The following DOCK8 variants were observed in gnomAD, a reference collection of about 807,000 sequenced individuals.
The protein encoded by DOCK8 is dedicator of cytokinesis 8, also known as dedicator of cytokinesis protein 8.
Under a neutral mutation model 245.6 loss-of-function variants are expected in DOCK8, and 141 were observed. That is an observed-to-expected ratio of 0.57 (90% CI 0.50 to 0.66). The LOEUF (loss-of-function observed/expected upper bound fraction) is 0.66, where lower values mean the gene tolerates loss of function less well. Among genes scored for constraint, DOCK8 ranks in the 30% least tolerant of loss-of-function variants. DOCK8 has a pLI of 0.00. For synonymous variants in DOCK8, 1,168 were observed against 970.2 expected (o/e 1.20, Z -3.79); for missense variants, 2,965 against 2,603.4 (o/e 1.14, Z -3.02).
chr9:425,848 G>A (rs989221508), intron 33 of DOCK8, among the ~76,000 whole-genome samples: 7 of 152,090 alleles, frequency 4.6e-5, no homozygotes, highest in African/African-American at 1.4e-4. Flanking sequence ...AAGTGGCTTG[G>A]GACCAGAGAG....
chr9:252,271 C>T (rs750271849), intron 1 of DOCK8, among the ~76,000 whole-genome samples: 5 of 151,928 alleles, frequency 3.3e-5, no homozygotes, highest in Non-Finnish European at 5.9e-5. Context: ...CCGTGCCCAG[C>T]CCCAAGGGAA....
intron 1 of DOCK8, among the ~76,000 whole-genome samples, chr9:232,136 T>A (rs1185404973): frequency 6.6e-6 from 1 of 152,214 alleles, no homozygotes; most frequent in Non-Finnish European, 1.5e-5. Flanking sequence ...AGGCCTTTTC[T>A]GCATCTATTG....
chr9:269,253 T>C (rs1438231594), intron 1 of DOCK8, among the ~76,000 whole-genome samples: 1 of 152,182 alleles, frequency 6.6e-6, no homozygotes, highest in Non-Finnish European at 1.5e-5. Context: ...CAAATCTACT[T>C]TCTGTCTGTA....
chr9:326,130 G>T (rs10491694), intron 8 of DOCK8, among the ~76,000 whole-genome samples: 3 of 152,178 alleles, frequency 2.0e-5, no homozygotes, highest in Admixed American at 6.5e-5. Flanking sequence ...ACATGGTAGA[G>T]GTCTCAATTT....
intron 5 of DOCK8, among the ~76,000 whole-genome samples, chr9:305,574 C>G (rs1019598122): frequency 4.6e-5 from 7 of 152,140 alleles, no homozygotes; most frequent in African/African-American, 1.7e-4. Flanking sequence ...CATGAGCCAC[C>G]ACGCCTGGCC....
In DOCK8 at chr9:441,724, G is replaced by C. The variant is rs543289355; in HGVS notation, c.5356-151G>C. 80 of 1,000,772 alleles carry C rather than the reference G, an allele frequency of 8.0e-5. 3 individuals carry two copies. In the South Asian group the frequency reaches 1.2e-3, roughly 15 times the overall value. The allele number at this position is 1,000,772 out of a possible 1,614,324, so 62.0% of individuals were successfully genotyped here. A position where few individuals can be genotyped will look rare whatever the true frequency, so the allele number is the denominator to read the frequency against. On this transcript the variant is annotated intron_variant, in intron 41 of 47. Transcript: ENST00000432829. Reference sequence around the variant, plus strand: ...GTTATTTCTGAAGTTTATTCCATAAGCATTAAATTTTTTTAAGGAGTAATT... The same window carrying C: ...GTTATTTCTGAAGTTTATTCCATAACCATTAAATTTTTTTAAGGAGTAATT...
At chr9:429,179 C>A (rs376729118) in intron 35 of DOCK8, among the ~76,000 whole-genome samples, 1 of 152,146 alleles carries the variant, frequency 6.6e-6, no homozygotes, top group African/African-American at 2.4e-5. Flanking sequence ...GTTGGCCAGG[C>A]TGGTCTTGAA....
intron 26 of DOCK8, among the ~76,000 whole-genome samples, chr9:400,766 T>TCCA (rs1184109812): frequency 4.6e-4 from 6 of 13,148 alleles, no homozygotes; most frequent in Admixed American, 1.9e-3. Context: ...CACCACCACC[T>TCCA]CCACCACCAC....
chr9:432,088 T>C, intron 36 of DOCK8, 78 bp from the exon 37 acceptor site: 1 of 1,489,232 alleles, frequency 6.7e-7, no homozygotes. Flanking sequence ...TGTTTGTGTC[T>C]GGCCATGCTG....
chr9:281,281 T>C (rs1738355942), intron 2 of DOCK8, among the ~76,000 whole-genome samples: 3 of 152,224 alleles, frequency 2.0e-5, no homozygotes, highest in African/African-American at 4.8e-5. Flanking sequence ...TTTTTAATTT[T>C]TGATTTTTTC....
At chr9:298,321 A>G (rs1267568379) in intron 4 of DOCK8, among the ~76,000 whole-genome samples, 1 of 152,166 alleles carries the variant, frequency 6.6e-6, no homozygotes, top group Admixed American at 6.5e-5. Flanking sequence ...GCTACTTAAG[A>G]GGCTGAGACA....
Position 414,586 on chromosome 9 carries a change from A to G in DOCK8, c.3531-196A>G, listed in dbSNP as rs142873597. Reference sequence around the variant, plus strand: ...CTGTTTCTGGATTCTATGTAGTTCTATCCTGTATTGCTTGGTTTTCCAGGG... The same window carrying G: ...CTGTTTCTGGATTCTATGTAGTTCTGTCCTGTATTGCTTGGTTTTCCAGGG... On this transcript the variant is annotated intron_variant, in intron 28 of 47. Transcript: ENST00000432829. 9.7e-3 allele frequency among the ~76,000 whole-genome samples: 1,456 copies of G among 150,604 alleles called. 24 individuals carry two copies. Among genetic ancestry groups the G allele is most frequent in the African/African-American group, 0.032 (1,310 of 40,452 alleles).
At chr9:302,155 T>C (rs1301777281) in intron 4 of DOCK8, among the ~76,000 whole-genome samples, 6 of 152,144 alleles carry the variant, frequency 3.9e-5, no homozygotes, top group African/African-American at 7.2e-5. Context: ...AACAGACACG[T>C]AGACCAATAG....
In DOCK8 at chr9:400,952, A is replaced by ACCACCACCACCACCTCCT. The variant is rs1417591906; in HGVS notation, c.3234+1700_3234+1717dup. On this transcript the variant is annotated intron_variant, in intron 26 of 47. Coordinates refer to ENST00000432829, the MANE Select transcript of DOCK8 (RefSeq NM_203447.4). ...CACAACATCCACCACCACCATCACC[A>ACCACCACCACCACCTCCT]CCACCACCACCACCTCCTCCACCAT... 4.4e-4 allele frequency among the ~76,000 whole-genome samples: 30 copies of ACCACCACCACCACCTCCT among 67,482 alleles called. 3 individuals carry two copies. The highest frequency in any genetic ancestry group is 7.5e-4 in the Non-Finnish European group (21 of 27,942). The allele number at this position is 67,482 out of a possible 152,430, so 44.3% of individuals were successfully genotyped here.
chr9:421,619 G>A (rs1392502531), intron 32 of DOCK8, among the ~76,000 whole-genome samples: 1 of 152,128 alleles, frequency 6.6e-6, no homozygotes, highest in African/African-American at 2.4e-5. Context: ...GGTACCCTCA[G>A]TCTTATTCAC....
intron 34 of DOCK8, 101 bp from the exon 35 acceptor site, chr9:428,261 A>G (rs952756879): frequency 6.3e-7 from 1 of 1,587,416 alleles, no homozygotes; most frequent in African/African-American, 1.3e-5. Flanking sequence ...AAGACTCACC[A>G]CTGGACATGG....
chr9:224,906 C>T (rs1243183565), intron 1 of DOCK8, among the ~76,000 whole-genome samples: 1 of 152,126 alleles, frequency 6.6e-6, no homozygotes, highest in Non-Finnish European at 1.5e-5. Context: ...AAGATGATGG[C>T]CATCTGTTGT....
Position 407,083 on chromosome 9 carries a change from A to G in DOCK8, c.3530+14A>G, listed in dbSNP as rs1274177849. 2.5e-6 allele frequency: 4 copies of G among 1,614,054 alleles called. No homozygotes were observed. Among genetic ancestry groups the G allele is most frequent in the Non-Finnish European group, 3.4e-6 (4 of 1,180,010 alleles). On this transcript the variant is annotated intron_variant, in intron 28 of 47. Coordinates refer to ENST00000432829, the MANE Select transcript of DOCK8 (RefSeq NM_203447.4). ...CGAAGGGGAAGGGTATGTTTCTGGC[A>G]TTTAAAATGGAAGATGAAGCCAAAA...
In DOCK8 at chr9:407,054, A is replaced by T. The variant is rs1165376352; in HGVS notation, c.3515A>T (p.Asp1172Val). 6.2e-7 allele frequency: 1 copy of T among 1,614,048 alleles called. No individual in the cohort carries two copies. The highest frequency in any genetic ancestry group is 8.5e-7 in the Non-Finnish European group (1 of 1,180,040). ...TTCACAGAACTGGCTGCTGCCCTGG[A>T]TGCCGAAGGGGAAGGGTATGTTTCT... ...LLFTELAAAL[D>V]AEGEGISKVQ... The change falls in exon 28 of 48, where the codon GAT (aspartate) becomes GTT (valine). Residue 1172 changes from aspartate (D) to valine (V), a missense_variant. Asp to Val is a radical substitution (Grantham distance 152, BLOSUM62 -3). Transcript: ENST00000432829.
Sources: gnomAD v4.1 joint callset for allele counts (sites outside exome capture counted in the v4.1 genomes callset) on GRCh38, gnomAD v4.1.1 for gene constraint, MANE v1.5 for transcripts, NCBI Gene and HGNC (gene_info 2026-07-23, HGNC 2026-07-21) for gene names.